The following AGBL3 variants were observed in gnomAD, a reference collection of about 807,000 sequenced individuals.
The protein encoded by AGBL3 is cytosolic carboxypeptidase 3.
A neutral mutation model predicts 94.5 loss-of-function variants in AGBL3; 68 were observed. That is an observed-to-expected ratio of 0.72 (90% CI 0.59 to 0.88). The LOEUF is 0.88. Ranked by LOEUF, AGBL3 falls within the 40% of genes least tolerant of loss-of-function variation. AGBL3 has a pLI of 0.00. For missense variants in AGBL3, 934 were observed against 1,103.8 expected, an observed-to-expected ratio of 0.85 and a Z score of 2.18; for synonymous variants, 354 against 370.7, an observed-to-expected ratio of 0.95 and a Z score of 0.52.
Position 135,105,070 on chromosome 7 carries a change from G to GTTTTTTT in AGBL3, c.2111-10299_2111-10293dup, listed in dbSNP as rs71172498. ...TTATAGTTTTGGGTTTTACATTCAA[G>GTTTTTTT]TTTTTTTTTTTTTTTTTGAGATGGA... On this transcript the variant is annotated intron_variant, in intron 15 of 16. Coordinates refer to ENST00000436302, the MANE Select transcript of AGBL3 (RefSeq NM_178563.4). Among the ~76,000 whole-genome samples the GTTTTTTT allele has an allele frequency of 4.7e-5, 6 of 127,078 alleles. No homozygotes were observed. The East Asian group carries it at 6.7e-4, about 14-fold the overall frequency. The allele number at this position is 127,078 out of a possible 152,430, so 83.4% of individuals were successfully genotyped here. A position where few individuals can be genotyped will look rare whatever the true frequency, so the allele number is the denominator to read the frequency against.
chr7:135,105,077 T>TG (rs1034106946), intron 15 of AGBL3, among the ~76,000 whole-genome samples: 3 of 149,466 alleles, frequency 2.0e-5, no homozygotes, highest in Non-Finnish European at 3.0e-5. Context: ...CAAGTTTTTT[T>TG]TTTTTTTTTT....
chr7:135,102,403 A>C (rs574540202), intron 15 of AGBL3, among the ~76,000 whole-genome samples: 1 of 152,290 alleles, frequency 6.6e-6, no homozygotes, highest in Non-Finnish European at 1.5e-5. Flanking sequence ...AAAAAATGTT[A>C]ATAATATCAA....
At position 135,132,934 on chromosome 7, in the gene AGBL3, C is replaced by A. The variant is rs376362999; in HGVS notation, c.2343-1907C>A. Among the ~76,000 whole-genome samples the A allele has an allele frequency of 2.0e-4, 30 of 151,974 alleles. No homozygotes were observed. The East Asian group carries it at 5.2e-3, about 26-fold the overall frequency. On this transcript the variant is annotated intron_variant, in intron 16 of 16. Coordinates refer to ENST00000436302, the MANE Select transcript of AGBL3 (RefSeq NM_178563.4). ...ATTGTGCTAGAAGTTCTAGCCACTG[C>A]AATAAGGCAATAAAAAAATAAAAAG...
intron 16 of AGBL3, among the ~76,000 whole-genome samples, chr7:135,119,119 T>C (rs1826749189): frequency 6.6e-6 from 1 of 151,970 alleles, no homozygotes; most frequent in Admixed American, 6.6e-5. Context: ...AAAGAAATAA[T>C]GGCTGAAAGG....
intron 12 of AGBL3, among the ~76,000 whole-genome samples, chr7:135,068,279 G>A (rs565965850): frequency 1.2e-4 from 18 of 152,218 alleles, no homozygotes; most frequent in East Asian, 3.9e-4. Context: ...TGAAAGTGAC[G>A]GGGAGAATGG....
At position 135,034,624 on chromosome 7, in the gene AGBL3, C is replaced by T. The variant is rs1209924782; in HGVS notation, c.1033C>T (p.Pro345Ser). 1 of 1,551,624 alleles carries T rather than the reference C, an allele frequency of 6.4e-7. No homozygotes were observed. Residue 345 changes from proline (P) to serine (S), a missense_variant, in exon 7 of 17, where the codon CCC becomes TCC. By Grantham distance (74) the Pro-to-Ser change is moderately conservative (BLOSUM62 -1). Around this residue, in one of 3 missense-constraint regions of AGBL3, gnomAD observed 488 missense variants for 563.6 expected, o/e 0.87. Coordinates refer to ENST00000436302, the MANE Select transcript of AGBL3 (RefSeq NM_178563.4). ...GGTGTATATTTTAACAATCACTACCCCCTTGAAGAACTCTGACTCAAGAAA... is the reference window on the plus strand; with the variant it reads ...GGTGTATATTTTAACAATCACTACCTCCTTGAAGAACTCTGACTCAAGAAA... ...NMVYILTITT[P>S]LKNSDSRKRK... is the part of the protein sequence containing the mutation.
chr7:135,128,645 G>A (rs991722797), intron 16 of AGBL3: 3 of 915,278 alleles, frequency 3.3e-6, no homozygotes, highest in Non-Finnish European at 5.4e-6. Context: ...TTGCCTGGAT[G>A]CAATTTCTTA....
Position 135,060,020 on chromosome 7 carries a change from CAT to C in AGBL3, c.1908+786_1908+787del, listed in dbSNP as rs1818688933. On this transcript the variant is annotated intron_variant, in intron 12 of 16. Coordinates refer to ENST00000436302, the MANE Select transcript of AGBL3 (RefSeq NM_178563.4). ...ACAGGTTGAGTTCAGTTATGTTCCA[CAT>C]GTTTCTCATTTGCTTGGGCTAGAGA... Among the ~76,000 whole-genome samples, 3 of 152,322 alleles carry C rather than the reference CAT, an allele frequency of 2.0e-5. No homozygotes were observed. The East Asian group carries it at 5.8e-4, about 29-fold the overall frequency.
In AGBL3 at chr7:135,037,527, T is replaced by C. The variant is rs576125926; in HGVS notation, c.1447T>C (p.Tyr483His). The C allele has an allele frequency of 9.1e-6, 14 of 1,546,896 alleles. No individual in the cohort carries two copies. In the East Asian group the frequency reaches 3.0e-4, roughly 33 times the overall value. ...TGGTAGTGACAGATCTAAGACATTA[T>C]ACTTACAGCAACGAATCTTCCCACT... ...CDGSDRSKTL[Y>H]LQQRIFPLML... Residue 483 changes from tyrosine (Y) to histidine (H), a missense_variant, in exon 8 of 17, where the codon TAC becomes CAC. Transcript: ENST00000436302.
chr7:135,105,811 T>A (rs1824622665), intron 15 of AGBL3, among the ~76,000 whole-genome samples: 1 of 152,248 alleles, frequency 6.6e-6, no homozygotes, highest in Non-Finnish European at 1.5e-5. Flanking sequence ...TAGCATTGAA[T>A]CTGTAAATTG....
At position 135,034,860 on chromosome 7, in the gene AGBL3, C is replaced by T. The variant is rs747958082; in HGVS notation, c.1269C>T (p.Asn423=). 3.2e-6 allele frequency: 5 copies of T among 1,551,174 alleles called. No homozygotes were observed. In the South Asian group the frequency reaches 6.0e-5, roughly 18 times the overall value. The change falls in exon 7 of 17, where the codon AAC becomes AAT. Residue 423 remains asparagine, a synonymous_variant. Coordinates refer to ENST00000436302, the MANE Select transcript of AGBL3 (RefSeq NM_178563.4). ...YRCSLAGRDL[N]RNYTSLLKES... The stretch of plus-strand genomic sequence containing the variant: ...GTTCCTTAGCTGGACGGGATTTAAA[C>T]CGTAATTATACATCTCTCCTGAAGG...
chr7:135,116,391 G>A (rs1826316158), intron 16 of AGBL3, among the ~76,000 whole-genome samples: 1 of 152,124 alleles, frequency 6.6e-6, no homozygotes, highest in African/African-American at 2.4e-5. Context: ...TATACAAAGA[G>A]TGCTTACATA....
At chr7:134,991,013 C>G (rs1810168204) in intron 3 of AGBL3, among the ~76,000 whole-genome samples, 1 of 152,114 alleles carries the variant, frequency 6.6e-6, no homozygotes, top group Admixed American at 6.6e-5. Flanking sequence ...ATTCAGATCT[C>G]AGTTCTGATC....
chr7:135,082,660 G>A (rs11764150), intron 15 of AGBL3, among the ~76,000 whole-genome samples: 67,242 of 151,766 alleles, frequency 0.44, 15,517 homozygotes, highest in East Asian at 0.77. Flanking sequence ...TAGTGCTACC[G>A]CTAAGTTGTA....
intron 11 of AGBL3, among the ~76,000 whole-genome samples, chr7:135,058,447 G>A (rs1010213001): frequency 6.6e-6 from 1 of 151,982 alleles, no homozygotes; most frequent in African/African-American, 2.4e-5. Context: ...ATTGCTTTAT[G>A]TAGAATGGAT....
At chr7:134,988,152 C>CT in intron 2 of AGBL3, 156 bp downstream of exon 2, 2 of 589,638 alleles carry the variant, frequency 3.4e-6, no homozygotes, top group Non-Finnish European at 5.9e-6. Context: ...AAAAGCTAAG[C>CT]TATCACTGGG....
chr7:135,044,648 G>GA (rs980860519), intron 9 of AGBL3, among the ~76,000 whole-genome samples: 12 of 152,020 alleles, frequency 7.9e-5, no homozygotes, highest in African/African-American at 2.9e-4. Context: ...CACATTATCA[G>GA]AAAAATGTAT....
At chr7:135,108,376 C>T (rs983158648) in intron 15 of AGBL3, among the ~76,000 whole-genome samples, 1 of 152,156 alleles carries the variant, frequency 6.6e-6, no homozygotes, top group Non-Finnish European at 1.5e-5. Flanking sequence ...GTGCTCCTTT[C>T]AAGATCTCTT....
rs560715293 is a variant in AGBL3 at position 135,013,118 on chromosome 7, C to T, written c.311-3934C>T. The stretch of plus-strand genomic sequence containing the variant: ...CTAATTTTAAAATGGACAAAAGACT[C>T]GAACAGACATTTCTCAAAGAATTAT... On this transcript the variant is annotated intron_variant, in intron 4 of 16. Coordinates refer to ENST00000436302, the MANE Select transcript of AGBL3 (RefSeq NM_178563.4). Among the ~76,000 whole-genome samples, 4 of 152,160 alleles carry T rather than the reference C, an allele frequency of 2.6e-5. No homozygotes were observed. The South Asian group carries it at 6.2e-4, about 24-fold the overall frequency.
Sources: allele counts gnomAD v4.1 joint callset (sites outside exome capture counted in the v4.1 genomes callset), GRCh38; gene constraint gnomAD v4.1.1; regional missense constraint gnomAD v4.1.1; transcripts MANE v1.5; gene names NCBI Gene and HGNC (gene_info 2026-07-23, HGNC 2026-07-21).